The following POU2F1 variants were observed in gnomAD, a reference collection of about 807,000 sequenced individuals.
POU2F1 encodes POU domain, class 2, transcription factor 1.
Under a neutral mutation model 84.9 loss-of-function variants are expected in POU2F1, and 16 were observed. The ratio of observed to expected loss-of-function variants is 0.19; its 90% CI spans 0.13 to 0.29. POU2F1 has a LOEUF of 0.29. POU2F1 is among the 10% of genes least tolerant of loss of function. The pLI is 1.00. For missense variants in POU2F1, 738 were observed against 942.6 expected (o/e 0.78, Z 2.84); for synonymous variants, 368 against 368.3 (o/e 1.00, Z 0.01).
At chr1:167,393,275 G>A (rs1423524132) in intron 9 of POU2F1, among the ~76,000 whole-genome samples, 2 of 152,104 alleles carry the variant, frequency 1.3e-5, no homozygotes, top group Non-Finnish European at 2.9e-5. Context: ...AGCCTGTACC[G>A]AATTAATGAA....
At chr1:167,401,909 G>A (rs1649240400) in intron 13 of POU2F1, among the ~76,000 whole-genome samples, 1 of 152,134 alleles carries the variant, frequency 6.6e-6, no homozygotes, top group African/African-American at 2.4e-5. Flanking sequence ...TTCTTGATCT[G>A]TTACTGATAA....
At chr1:167,399,798 C>T (rs868680181) in intron 12 of POU2F1, among the ~76,000 whole-genome samples, 37 of 150,664 alleles carry the variant, frequency 2.5e-4, no homozygotes, top group African/African-American at 7.6e-4. Context: ...CTTGGCCTCC[C>T]GAGTAGCTGG....
intron 1 of POU2F1, chr1:167,241,696 C>G (rs942501269): frequency 6.6e-6 from 1 of 152,150 alleles, no homozygotes; most frequent in African/African-American, 2.4e-5. Context: ...ATTTGGTATG[C>G]TAAGCACTGT....
chr1:167,221,188 A>T (rs1648111500), intron 1 of POU2F1, among the ~76,000 whole-genome samples: 1 of 151,312 alleles, frequency 6.6e-6, no homozygotes, highest in Non-Finnish European at 1.5e-5. Flanking sequence ...GCTGCGATCC[A>T]CTGCCCTCCT....
At chr1:167,319,595 G>T (rs1271283651) in intron 1 of POU2F1, among the ~76,000 whole-genome samples, 2 of 151,900 alleles carry the variant, frequency 1.3e-5, no homozygotes, top group African/African-American at 4.8e-5. Flanking sequence ...TGTAGCTAGA[G>T]CTTGGCTAGT....
At chr1:167,366,865 T>C (rs1404446427) in intron 3 of POU2F1, among the ~76,000 whole-genome samples, 2 of 152,186 alleles carry the variant, frequency 1.3e-5, no homozygotes, top group Non-Finnish European at 2.9e-5. Flanking sequence ...CAGAATTTAG[T>C]CAATTATTTG....
At chr1:167,237,766 A>AAAT (rs1557836583) in intron 1 of POU2F1, among the ~76,000 whole-genome samples, 4 of 58,008 alleles carry the variant, frequency 6.9e-5, no homozygotes, top group South Asian at 6.9e-4. Flanking sequence ...ATATATATAT[A>AAAT]TATATATTTT....
chr1:167,318,165 C>T (rs1487900707), intron 1 of POU2F1, among the ~76,000 whole-genome samples: 1 of 152,102 alleles, frequency 6.6e-6, no homozygotes, highest in Non-Finnish European at 1.5e-5. Context: ...CTTCTAGATG[C>T]TTTTTTATTC....
At chr1:167,251,317 TG>T (rs1650710518) in intron 1 of POU2F1, among the ~76,000 whole-genome samples, 1 of 152,152 alleles carries the variant, frequency 6.6e-6, no homozygotes, top group African/African-American at 2.4e-5. Flanking sequence ...GAGGATTGAT[TG>T]AGCCCAGTAA....
chr1:167,370,180 G>A lies in POU2F1; in HGVS notation c.248G>A (p.Ser83Asn), dbSNP rs1659919801. The A allele has an allele frequency of 1.2e-6, 2 of 1,607,846 alleles. No individual in the cohort carries two copies. Among genetic ancestry groups the A allele is most frequent in the African/African-American group, 2.7e-5 (2 of 74,976 alleles). The part of the protein sequence containing the change: ...HLHQVQLAGT[S>N]LQAAAQSLNV... Reference sequence around the variant, plus strand: ...TTATAGGTCCAACTCGCTGGAACAAGTTTACAGGCTGCTGCTCAGTCTTTA... The same window carrying A: ...TTATAGGTCCAACTCGCTGGAACAAATTTACAGGCTGCTGCTCAGTCTTTA... Residue 83 changes from serine to asparagine, a missense_variant, in exon 4 of 16, where the codon AGT becomes AAT. Coordinates refer to ENST00000367866, the MANE Select transcript of POU2F1 (RefSeq NM_002697.4).
Position 167,365,505 on chromosome 1 carries a change from G to T in POU2F1, c.166G>T (p.Val56Leu). 1 of 1,603,072 alleles carries T rather than the reference G, an allele frequency of 6.2e-7. No homozygotes were observed. ...TNGLDFQKQP[V>L]PVGGAISTAQ... The stretch of plus-strand genomic sequence containing the variant: ...TGGTCTGGACTTTCAGAAGCAGCCT[G>T]TGCCTGTAGGAGGAGCAATCTCAAC... Residue 56 changes from valine (V) to leucine (L), a missense_variant, in exon 3 of 16, where the codon GTG becomes TTG. Physicochemically the swap from Val to Leu is conservative, Grantham distance 32. Around this residue, in one of 4 missense-constraint regions of POU2F1, gnomAD observed 161 missense variants for 147.0 expected, o/e 1.10. Transcript: ENST00000367866.
At chr1:167,226,752 G>A (rs1485619350) in intron 1 of POU2F1, among the ~76,000 whole-genome samples, 5 of 152,084 alleles carry the variant, frequency 3.3e-5, no homozygotes, top group African/African-American at 1.2e-4. Flanking sequence ...AATTTTTTGA[G>A]CATTGGTATC....
At chr1:167,400,543 TA>T (rs771070455) in intron 12 of POU2F1, among the ~76,000 whole-genome samples, 6 of 152,216 alleles carry the variant, frequency 3.9e-5, no homozygotes, top group Non-Finnish European at 8.8e-5. Flanking sequence ...GAACTTGTAT[TA>T]AAACAATCAT....
Position 167,382,156 on chromosome 1 carries a change from G to A in POU2F1, c.719-1701G>A, listed in dbSNP as rs939071821. Among the ~76,000 whole-genome samples the A allele has an allele frequency of 3.2e-4, 48 of 152,078 alleles. 1 individual carries two copies. The highest frequency in any genetic ancestry group is 8.8e-5 in the Non-Finnish European group (6 of 68,012). Reference sequence around the variant, plus strand: ...GCAGGCCCTGCCCTCATTAAGAGACGTCAAATAGTAAACATGTAAACAAAT... The same window carrying A: ...GCAGGCCCTGCCCTCATTAAGAGACATCAAATAGTAAACATGTAAACAAAT... On this transcript the variant is annotated intron_variant, in intron 7 of 15. Transcript: ENST00000367866.
At chr1:167,234,227 T>C (rs1433468297) in intron 1 of POU2F1, among the ~76,000 whole-genome samples, 2 of 152,252 alleles carry the variant, frequency 1.3e-5, no homozygotes, top group Non-Finnish European at 2.9e-5. Flanking sequence ...TTTGTACAGT[T>C]CCCAGGTCCA....
At chr1:167,255,422 A>G (rs1651058835) in intron 1 of POU2F1, among the ~76,000 whole-genome samples, 2 of 152,236 alleles carry the variant, frequency 1.3e-5, no homozygotes, top group African/African-American at 4.8e-5. Flanking sequence ...AACAGCTTAC[A>G]GCATTTTGGA....
chr1:167,375,416 A>G (rs906445676), intron 6 of POU2F1, among the ~76,000 whole-genome samples: 1 of 152,240 alleles, frequency 6.6e-6, no homozygotes, highest in Non-Finnish European at 1.5e-5. Flanking sequence ...GATAACGTTC[A>G]TGAAAACACT....
chr1:167,259,939 C>T (rs966150681), intron 1 of POU2F1, among the ~76,000 whole-genome samples: 2 of 151,416 alleles, frequency 1.3e-5, no homozygotes, highest in East Asian at 1.9e-4. Context: ...AGTGCAGTGG[C>T]GCGATCTCAG....
At chr1:167,237,159 C>T (rs1159627398) in intron 1 of POU2F1, among the ~76,000 whole-genome samples, 2 of 152,174 alleles carry the variant, frequency 1.3e-5, no homozygotes, top group Non-Finnish European at 2.9e-5. Context: ...GGTTAACATA[C>T]AGCAGTGACA....
Sources: allele counts gnomAD v4.1 joint callset (sites outside exome capture counted in the v4.1 genomes callset), GRCh38; gene constraint gnomAD v4.1.1; regional missense constraint gnomAD v4.1.1; transcripts MANE v1.5; gene names NCBI Gene and HGNC (gene_info 2026-07-23, HGNC 2026-07-21).